CADM2: variants seen among roughly 807,000 people sequenced by gnomAD.
CADM2 encodes the protein cell adhesion molecule 2.
In CADM2, 12 loss-of-function variants were observed where a neutral mutation model predicts 49.8. That is an observed-to-expected ratio of 0.24 (90% CI 0.15 to 0.39). The LOEUF is 0.39. CADM2 is among the 10% of genes least tolerant of loss of function. The probability of loss-of-function intolerance (pLI) is 1.00; values close to 1 mark genes in which losing one functional copy is unlikely to be tolerated. For missense variants in CADM2, 378 were observed against 492.3 expected (o/e 0.77, Z 2.20); for synonymous variants, 214 against 175.4 (o/e 1.22, Z -1.74).
intron 2 of CADM2, among the ~76,000 whole-genome samples, chr3:85,758,642 G>A (rs2069230760): frequency 6.6e-6 from 1 of 152,052 alleles, no homozygotes; most frequent in Non-Finnish European, 1.5e-5. Context: ...TGAGTCAGAG[G>A]TTTAAGTATG....
At chr3:85,645,695 A>G (rs1320631674) in intron 1 of CADM2, among the ~76,000 whole-genome samples, 1 of 152,026 alleles carries the variant, frequency 6.6e-6, no homozygotes, top group Non-Finnish European at 1.5e-5. Context: ...AACTTTTTTA[A>G]AAGTAAAAAT....
chr3:85,701,206 T>C (rs2066742199), intron 1 of CADM2, among the ~76,000 whole-genome samples: 1 of 152,070 alleles, frequency 6.6e-6, no homozygotes, highest in Non-Finnish European at 1.5e-5. Flanking sequence ...CCAGATCTCT[T>C]AAGAACTCTA....
intron 1 of CADM2, among the ~76,000 whole-genome samples, chr3:85,505,354 T>G (rs1443455329): frequency 6.6e-6 from 1 of 152,244 alleles, no homozygotes; most frequent in Non-Finnish European, 1.5e-5. Context: ...ACAGTGCATT[T>G]CTTTCCTCTG....
intron 1 of CADM2, among the ~76,000 whole-genome samples, chr3:85,210,781 A>T (rs542923585): frequency 1.3e-5 from 2 of 152,092 alleles, no homozygotes; most frequent in African/African-American, 4.8e-5. Context: ...AGCTGAAGTG[A>T]TCCACCCACC....
intron 1 of CADM2, among the ~76,000 whole-genome samples, chr3:85,041,386 G>T (rs1460389641): frequency 2.0e-5 from 3 of 152,136 alleles, no homozygotes; most frequent in Non-Finnish European, 4.4e-5. Flanking sequence ...TTGTGTGTTT[G>T]CGTGGAGAGG....
chr3:85,026,377 A>G (rs1331225151), intron 1 of CADM2, among the ~76,000 whole-genome samples: 1 of 152,152 alleles, frequency 6.6e-6, no homozygotes, highest in Non-Finnish European at 1.5e-5. Context: ...AAATTAAAAT[A>G]TTTTGCAACA....
chr3:85,962,330 A>G (rs60161376), intron 8 of CADM2, among the ~76,000 whole-genome samples: 2,673 of 152,078 alleles, frequency 0.018, 79 homozygotes, highest in African/African-American at 0.062. Context: ...ATACTTTATA[A>G]CTTCTGTAAT....
chr3:85,554,875 T>A (rs112438529), intron 1 of CADM2, among the ~76,000 whole-genome samples: 77,184 of 147,034 alleles, frequency 0.52, 22,881 homozygotes, highest in East Asian at 0.85. Flanking sequence ...TTATTTTTTT[T>A]ATTTTTATTT....
intron 8 of CADM2, among the ~76,000 whole-genome samples, chr3:86,032,386 A>G (rs1160027929): frequency 6.6e-6 from 1 of 151,922 alleles, no homozygotes; most frequent in Non-Finnish European, 1.5e-5. Context: ...GCTATAAAAT[A>G]TAAACTAGGC....
chr3:86,008,110 G>A (rs903101045), intron 8 of CADM2, among the ~76,000 whole-genome samples: 1 of 151,106 alleles, frequency 6.6e-6, no homozygotes, highest in South Asian at 2.1e-4. Flanking sequence ...AAGCTAATTT[G>A]ACATGTGAAA....
rs1327725663 is a variant in CADM2, at chr3:85,881,444, T to C, written c.239-1847T>C. On this transcript the variant is annotated intron_variant, in intron 3 of 9. Transcript: ENST00000383699. ...TTTTCCTGGTGTTTAGTATGACTAG[T>C]AAGTTTTTTTTATTATACGCTGAAC... Among the ~76,000 whole-genome samples, 45 of 152,168 alleles carry C rather than the reference T, an allele frequency of 3.0e-4. 1 individual carries two copies. The highest frequency in any genetic ancestry group is 2.9e-3 in the Admixed American group (45 of 15,270).
intron 3 of CADM2, among the ~76,000 whole-genome samples, chr3:85,867,874 A>G (rs919129299): frequency 1.3e-5 from 2 of 151,972 alleles, no homozygotes; most frequent in Admixed American, 6.6e-5. Context: ...TATTTTCTGG[A>G]GCCTCATCTA....
chr3:85,119,181 G>A (rs2038755254), intron 1 of CADM2, among the ~76,000 whole-genome samples: 1 of 152,166 alleles, frequency 6.6e-6, no homozygotes, highest in Admixed American at 6.5e-5. Flanking sequence ...GGAGGCTGAG[G>A]TGGGCTGATC....
chr3:85,102,965 A>G (rs1337741242), intron 1 of CADM2, among the ~76,000 whole-genome samples: 1 of 152,188 alleles, frequency 6.6e-6, no homozygotes, highest in Non-Finnish European at 1.5e-5. Context: ...TTGAATAGCT[A>G]TATAAATACA....
At chr3:85,517,161 T>C (rs2060924227) in intron 1 of CADM2, among the ~76,000 whole-genome samples, 1 of 151,870 alleles carries the variant, frequency 6.6e-6, no homozygotes, top group South Asian at 2.1e-4. Context: ...AAAAATAAAA[T>C]TATTATTGTG....
intron 1 of CADM2, among the ~76,000 whole-genome samples, chr3:85,714,666 G>T (rs2067227086): frequency 6.6e-6 from 1 of 151,910 alleles, no homozygotes; most frequent in Non-Finnish European, 1.5e-5. Flanking sequence ...TCCTGACCTC[G>T]TGATCCGCCC....
chr3:85,574,366 G>T (rs2062569834), intron 1 of CADM2, among the ~76,000 whole-genome samples: 1 of 152,210 alleles, frequency 6.6e-6, no homozygotes, highest in African/African-American at 2.4e-5. Context: ...GCTTTGTGCT[G>T]CTAATGAGGA....
chr3:85,287,289 T>C (rs1193864479), intron 1 of CADM2, among the ~76,000 whole-genome samples: 2 of 152,158 alleles, frequency 1.3e-5, no homozygotes, highest in African/African-American at 2.4e-5. Context: ...ACTTTTTTTT[T>C]TTCAAGTTGG....
chr3:85,629,759 T>C (rs534665648), intron 1 of CADM2, among the ~76,000 whole-genome samples: 9 of 152,134 alleles, frequency 5.9e-5, no homozygotes, highest in Non-Finnish European at 1.0e-4. Flanking sequence ...AAACAAAGTT[T>C]GCCACTTTAT....
Sources: gnomAD v4.1 joint callset for allele counts (sites outside exome capture counted in the v4.1 genomes callset) on GRCh38, gnomAD v4.1.1 for gene constraint, MANE v1.5 for transcripts, NCBI Gene and HGNC (gene_info 2026-07-23, HGNC 2026-07-21) for gene names.